The following ERBB4 variants were observed in gnomAD, a reference collection of about 807,000 sequenced individuals.
ERBB4 encodes the protein erb-b2 receptor tyrosine kinase 4.
A neutral mutation model predicts 158.0 loss-of-function variants in ERBB4; 42 were observed. That is an observed-to-expected ratio of 0.27 (90% CI 0.21 to 0.34). The LOEUF (loss-of-function observed/expected upper bound fraction) is 0.34, where lower values mean the gene tolerates loss of function less well. Among genes scored for constraint, ERBB4 ranks in the 10% least tolerant of loss-of-function variants. The pLI is 1.00. For synonymous variants in ERBB4, 583 were observed against 558.7 expected (o/e 1.04, Z -0.61); for missense variants, 1,333 against 1,624.1 (o/e 0.82, Z 3.08).
intron 19 of ERBB4, among the ~76,000 whole-genome samples, chr2:211,609,925 C>T (rs1393549319): frequency 1.3e-5 from 2 of 152,152 alleles, no homozygotes; most frequent in African/African-American, 4.8e-5. Context: ...AAACCTCTGA[C>T]TGATAACAAC....
At chr2:211,892,552 G>A (rs904660847) in intron 3 of ERBB4, among the ~76,000 whole-genome samples, 4 of 142,362 alleles carry the variant, frequency 2.8e-5, no homozygotes, top group Admixed American at 2.8e-4. Flanking sequence ...TGGAAGTTCT[G>A]GCCAGGGCAA....
chr2:211,921,424 A>C (rs543872118), intron 3 of ERBB4, among the ~76,000 whole-genome samples: 2 of 152,014 alleles, frequency 1.3e-5, no homozygotes, highest in South Asian at 4.1e-4. Context: ...AATAGGAAGG[A>C]TCAAAACCAA....
At chr2:212,159,826 A>T (rs1024737456) in intron 1 of ERBB4, among the ~76,000 whole-genome samples, 1 of 152,038 alleles carries the variant, frequency 6.6e-6, no homozygotes, top group African/African-American at 2.4e-5. Flanking sequence ...CAAGGATCTT[A>T]CATACCTAGA....
At position 211,627,391 on chromosome 2, in the gene ERBB4, A is replaced by G. The variant is rs551043187; in HGVS notation, c.2079+3071T>C. Among the ~76,000 whole-genome samples the G allele has an allele frequency of 5.4e-4, 82 of 152,382 alleles. 1 individual carries two copies. The Middle Eastern group carries it at 0.01, about 19-fold the overall frequency. ...GTAGGAATCACTATTAGGTTTTCCC[A>G]TGTATGTAATTGACTACCTTTATTT... On this transcript the variant is annotated intron_variant, in intron 17 of 27. Transcript: ENST00000342788.
chr2:212,270,280 T>G, intron 1 of ERBB4, among the ~76,000 whole-genome samples: 1 of 151,740 alleles, frequency 6.6e-6, no homozygotes, highest in East Asian at 1.9e-4. Flanking sequence ...AATAAAAAAC[T>G]TAAAATGGAA....
chr2:211,944,178 T>TAC (rs2080596997), intron 3 of ERBB4, among the ~76,000 whole-genome samples: 1 of 4,702 alleles, frequency 2.1e-4, no homozygotes, highest in Non-Finnish European at 3.5e-4. Flanking sequence ...ATATATATAC[T>TAC]ATATATATAT....
chr2:211,568,906 T>C (rs2067631464), intron 19 of ERBB4, among the ~76,000 whole-genome samples: 1 of 152,222 alleles, frequency 6.6e-6, no homozygotes, highest in Admixed American at 6.5e-5. Flanking sequence ...TTGCTGCAGA[T>C]GGTATGAAGA....
intron 1 of ERBB4, among the ~76,000 whole-genome samples, chr2:212,407,500 C>T (rs111458542): frequency 0.012 from 1,799 of 152,052 alleles, 33 homozygotes; most frequent in African/African-American, 0.041. Flanking sequence ...GGGTTTGATC[C>T]CAAGCACTCT....
chr2:212,428,888 C>T (rs2091968614), intron 1 of ERBB4, among the ~76,000 whole-genome samples: 1 of 152,112 alleles, frequency 6.6e-6, no homozygotes, highest in African/African-American at 2.4e-5. Flanking sequence ...TCCCAGGCAG[C>T]ACTCAGGAAA....
At chr2:212,146,986 CTTTTTTTTTT>C (rs34029473) in intron 1 of ERBB4, among the ~76,000 whole-genome samples, 2 of 77,452 alleles carry the variant, frequency 2.6e-5, no homozygotes, top group African/African-American at 5.3e-5. Context: ...CATTGTTAGA[CTTTTTTTTTT>C]TTTTTTTTTT....
intron 2 of ERBB4, among the ~76,000 whole-genome samples, chr2:212,007,541 A>T (rs1334829523): frequency 1.3e-5 from 2 of 151,870 alleles, no homozygotes; most frequent in Non-Finnish European, 2.9e-5. Flanking sequence ...GCAACTTTTT[A>T]AAAATATTTA....
chr2:212,324,881 T>C (rs2087752472), intron 1 of ERBB4, among the ~76,000 whole-genome samples: 1 of 150,202 alleles, frequency 6.7e-6, no homozygotes, highest in Admixed American at 6.6e-5. Flanking sequence ...TGCTCAAAAA[T>C]TTTTTCCTCC....
chr2:211,385,349 G>A (rs1015076131), intron 27 of ERBB4, among the ~76,000 whole-genome samples: 2 of 152,086 alleles, frequency 1.3e-5, no homozygotes, highest in African/African-American at 4.8e-5. Flanking sequence ...ACAGAAAAAT[G>A]AGATTAAATG....
intron 1 of ERBB4, among the ~76,000 whole-genome samples, chr2:212,245,997 A>C (rs912089490): frequency 6.6e-6 from 1 of 152,162 alleles, no homozygotes; most frequent in Admixed American, 6.5e-5. Flanking sequence ...CAGGCTTTGC[A>C]TCTGCCAGTG....
chr2:211,592,276 A>G (rs7572669), intron 19 of ERBB4, among the ~76,000 whole-genome samples: 118,103 of 151,930 alleles, frequency 0.78, 47,359 homozygotes, highest in Middle Eastern at 0.9. Context: ...TGCATTCTTG[A>G]ACGTGCTGGG....
rs2071286746 is a variant in ERBB4, at chr2:211,658,089, A to G, written c.1872-261T>C. The G allele has an allele frequency of 5.9e-6, 5 of 847,610 alleles. No individual in the cohort carries two copies. The South Asian group carries it at 7.2e-5, about 12-fold the overall frequency. 52.5% of individuals were successfully genotyped at this position (847,610 alleles called of 1,614,324 possible). On this transcript the variant is annotated intron_variant, in intron 15 of 27. Transcript: ENST00000342788. ...ATATTGATTGTCTCGAATTCTTATA[A>G]CTATTAGACTATTTTGGAACACAAT...
At chr2:212,414,486 T>C (rs920433914) in intron 1 of ERBB4, among the ~76,000 whole-genome samples, 1 of 152,200 alleles carries the variant, frequency 6.6e-6, no homozygotes, top group Non-Finnish European at 1.5e-5. Flanking sequence ...CTGTAATAAC[T>C]TTATATGGCT....
At chr2:211,974,152 A>T (rs2081539130) in intron 2 of ERBB4, among the ~76,000 whole-genome samples, 1 of 152,192 alleles carries the variant, frequency 6.6e-6, no homozygotes, top group Non-Finnish European at 1.5e-5. Context: ...TACCTGAATG[A>T]TGAAATAATC....
intron 2 of ERBB4, among the ~76,000 whole-genome samples, chr2:212,080,315 A>G (rs1423915470): frequency 6.6e-6 from 1 of 151,754 alleles, no homozygotes; most frequent in Non-Finnish European, 1.5e-5. Context: ...CCGTCTCAAA[A>G]AAAAATAAGA....
Sources: allele counts gnomAD v4.1 joint callset (sites outside exome capture counted in the v4.1 genomes callset), GRCh38; gene constraint gnomAD v4.1.1; transcripts MANE v1.5; gene names NCBI Gene and HGNC (gene_info 2026-07-23, HGNC 2026-07-21).